ARHGAP5: variants seen among roughly 807,000 people sequenced by gnomAD.
ARHGAP5 encodes the protein Rho GTPase activating protein 5.
ARHGAP5 carries 23 observed loss-of-function variants against 116.6 expected under a neutral mutation model. That is an observed-to-expected ratio of 0.20 (90% CI 0.14 to 0.28). The LOEUF is 0.28. Among genes scored for constraint, ARHGAP5 ranks in the 10% least tolerant of loss-of-function variants. ARHGAP5 has a pLI of 1.00. For synonymous variants in ARHGAP5, 574 were observed against 602.0 expected (o/e 0.95, Z 0.68); for missense variants, 1,405 against 1,774.8 (o/e 0.79, Z 3.74).
At chr14:32,140,652 A>C (rs756559157) in intron 3 of ARHGAP5, among the ~76,000 whole-genome samples, 1 of 152,156 alleles carries the variant, frequency 6.6e-6, no homozygotes, top group Non-Finnish European at 1.5e-5. Flanking sequence ...TTTGTTACTT[A>C]TATCTGTTTT....
chr14:32,099,188 G>T (rs529939261), intron 2 of ARHGAP5, among the ~76,000 whole-genome samples: 1 of 152,156 alleles, frequency 6.6e-6, no homozygotes, highest in Non-Finnish European at 1.5e-5. Flanking sequence ...TCAGTAATGT[G>T]CTGTTCATGA....
At position 32,154,729 on chromosome 14, in the gene ARHGAP5, T is replaced by C. The variant is rs2139157726; in HGVS notation, c.4290T>C (p.Thr1430=). The C allele has an allele frequency of 1.2e-6, 2 of 1,614,192 alleles. No homozygotes were observed. The highest frequency in any genetic ancestry group is 1.3e-5 in the African/African-American group (1 of 75,066). The change falls in exon 7 of 7, where the codon ACT becomes ACC. Residue 1430 remains threonine, a synonymous_variant. Coordinates refer to ENST00000345122, the MANE Select transcript of ARHGAP5 (RefSeq NM_001030055.2). ...PDFENREFLS[T]TKIHQSVVET... is the part of the protein sequence containing the mutation. Reference sequence around the variant, plus strand: ...TTGAAAATCGAGAGTTTCTGTCTACTACTAAGATTCATCAATCTGTTGTTG... The same window carrying C: ...TTGAAAATCGAGAGTTTCTGTCTACCACTAAGATTCATCAATCTGTTGTTG...
intron 3 of ARHGAP5, among the ~76,000 whole-genome samples, chr14:32,141,789 T>C (rs574710222): frequency 5.1e-4 from 77 of 152,304 alleles, no homozygotes; most frequent in Non-Finnish European, 9.6e-4. Flanking sequence ...GAATTTTTGG[T>C]TTGCAGGGTT....
chr14:32,131,378 T>C (rs1462410028), intron 3 of ARHGAP5, among the ~76,000 whole-genome samples: 1 of 152,030 alleles, frequency 6.6e-6, no homozygotes, highest in African/African-American at 2.4e-5. Context: ...TAACGTAAAA[T>C]GTGTCATGTT....
intron 2 of ARHGAP5, among the ~76,000 whole-genome samples, chr14:32,113,543 A>G (rs896664972): frequency 5.3e-5 from 8 of 152,210 alleles, no homozygotes; most frequent in Admixed American, 5.2e-4. Flanking sequence ...CTGCAGATTT[A>G]AATAATTTGC....
intron 3 of ARHGAP5, among the ~76,000 whole-genome samples, chr14:32,140,115 C>CTT (rs376976211): frequency 1.4e-3 from 36 of 25,420 alleles, no homozygotes; most frequent in Non-Finnish European, 2.2e-3. Context: ...TTTTTTTTTC[C>CTT]TTTTTTTTTT....
chr14:32,141,747 T>C (rs933911437), intron 3 of ARHGAP5, among the ~76,000 whole-genome samples: 1 of 152,184 alleles, frequency 6.6e-6, no homozygotes, highest in Admixed American at 6.5e-5. Context: ...TAGTTTCTCC[T>C]TCATTTTTGA....
At chr14:32,127,773 C>T (rs1423185735) in intron 3 of ARHGAP5, among the ~76,000 whole-genome samples, 1 of 151,740 alleles carries the variant, frequency 6.6e-6, no homozygotes, top group Non-Finnish European at 1.5e-5. Flanking sequence ...CTCCCCACCC[C>T]CGAGACAGGG....
intron 3 of ARHGAP5, among the ~76,000 whole-genome samples, chr14:32,129,639 G>A (rs1438482332): frequency 1.3e-5 from 2 of 151,466 alleles, no homozygotes; most frequent in Non-Finnish European, 2.9e-5. Context: ...CCCACTTGAT[G>A]CTTTCAAGAA....
At chr14:32,116,176 A>G (rs1001887903) in intron 2 of ARHGAP5, among the ~76,000 whole-genome samples, 3 of 149,508 alleles carry the variant, frequency 2.0e-5, no homozygotes, top group Non-Finnish European at 3.0e-5. Context: ...AGTCCCAGCT[A>G]CTCCGGAGGC....
chr14:32,110,739 G>A (rs1313037851), intron 2 of ARHGAP5, among the ~76,000 whole-genome samples: 2 of 152,164 alleles, frequency 1.3e-5, no homozygotes, highest in Non-Finnish European at 2.9e-5. Flanking sequence ...ATCCATATAT[G>A]TGAAATGATG....
At chr14:32,124,925 C>CACT (rs1880064832) in intron 3 of ARHGAP5, among the ~76,000 whole-genome samples, 1 of 152,100 alleles carries the variant, frequency 6.6e-6, no homozygotes, top group Non-Finnish European at 1.5e-5. Context: ...AGCCCTAAAA[C>CACT]ACTAGGGAGA....
At position 32,093,334 on chromosome 14, in the gene ARHGAP5, G is replaced by A. The variant is rs1397520452; in HGVS notation, c.2665G>A (p.Ala889Thr). ...GCTGGTGGCAGTTACTGACAGCCAA[G>A]CAGATTTTTTTGAAAATGAGGCTAT... Reference protein sequence around the residue: ...VQLVAVTDSQADFFENEAIKE... With the variant: ...VQLVAVTDSQTDFFENEAIKE... Residue 889 changes from alanine (A) to threonine (T), a missense_variant, in exon 2 of 7, where the codon GCA (alanine) becomes ACA (threonine). Physicochemically the swap from Ala to Thr is moderately conservative, Grantham distance 58. Transcript: ENST00000345122. The A allele has an allele frequency of 1.9e-6, 3 of 1,613,970 alleles. No individual in the cohort carries two copies. The Admixed American group carries it at 5.0e-5, about 27-fold the overall frequency.
intron 2 of ARHGAP5, among the ~76,000 whole-genome samples, chr14:32,114,145 G>A (rs980053117): frequency 2.0e-5 from 3 of 151,784 alleles, no homozygotes; most frequent in African/African-American, 7.3e-5. Context: ...GGAGAATGGC[G>A]TGAACCCAGG....
chr14:32,096,228 A>G (rs1878517967), intron 2 of ARHGAP5, among the ~76,000 whole-genome samples: 1 of 152,166 alleles, frequency 6.6e-6, no homozygotes, highest in Admixed American at 6.5e-5. Flanking sequence ...TCCTAAGAAC[A>G]GAAACATTCT....
chr14:32,097,378 GA>G (rs377125075), intron 2 of ARHGAP5, among the ~76,000 whole-genome samples: 1 of 152,040 alleles, frequency 6.6e-6, no homozygotes, highest in African/African-American at 2.4e-5. Context: ...AACTAAATGA[GA>G]AAAAATACTA....
intron 2 of ARHGAP5, among the ~76,000 whole-genome samples, chr14:32,102,679 A>G (rs917407698): frequency 1.3e-5 from 2 of 152,344 alleles, no homozygotes; most frequent in Non-Finnish European, 2.9e-5. Context: ...CAAGATTTGT[A>G]TCTTGTTTAT....
intron 2 of ARHGAP5, among the ~76,000 whole-genome samples, chr14:32,104,502 A>G (rs766977766): frequency 3.3e-5 from 5 of 152,142 alleles, no homozygotes; most frequent in Non-Finnish European, 7.4e-5. Context: ...AGTTTTCTGA[A>G]GTGTGTTTGG....
intron 3 of ARHGAP5, 123 bp downstream of exon 3, chr14:32,117,410 C>T: frequency 1.1e-6 from 1 of 874,526 alleles, no homozygotes; most frequent in Non-Finnish European, 1.6e-6. Context: ...TTAGTATTAA[C>T]TCCATCTGAT....
Sources: gnomAD v4.1 joint callset for allele counts (sites outside exome capture counted in the v4.1 genomes callset) on GRCh38, gnomAD v4.1.1 for gene constraint, MANE v1.5 for transcripts, NCBI Gene and HGNC (gene_info 2026-07-23, HGNC 2026-07-21) for gene names.